The following AGBL1 variants were observed in gnomAD, a reference collection of about 807,000 sequenced individuals.
The protein encoded by AGBL1 is AGBL carboxypeptidase 1.
In AGBL1, 130 loss-of-function variants were observed where a neutral mutation model predicts 118.9. The ratio of observed to expected loss-of-function variants is 1.09; its 90% CI spans 0.95 to 1.26. The LOEUF (loss-of-function observed/expected upper bound fraction) is 1.26, where lower values mean the gene tolerates loss of function less well. Ranked by LOEUF, AGBL1 falls within the 50% of genes most tolerant of loss-of-function variation. The pLI is 0.00. For missense variants in AGBL1, 1,584 were observed against 1,298.1 expected (o/e 1.22, Z -3.38); for synonymous variants, 555 against 478.9 (o/e 1.16, Z -2.08).
At chr15:86,196,885 A>G (rs200765069) in intron 5 of AGBL1, among the ~76,000 whole-genome samples, 11,478 of 86,242 alleles carry the variant, frequency 0.13, 570 homozygotes, top group Admixed American at 0.19. Context: ...GCGCGCACAC[A>G]CACACACACA....
At chr15:86,709,886 A>T (rs1021039196) in intron 22 of AGBL1, among the ~76,000 whole-genome samples, 3 of 152,134 alleles carry the variant, frequency 2.0e-5, no homozygotes, top group African/African-American at 7.2e-5. Context: ...TAAATCTCCT[A>T]ATTGCTATTT....
chr15:86,746,966 G>T (rs1466170163), intron 22 of AGBL1, among the ~76,000 whole-genome samples: 1 of 151,948 alleles, frequency 6.6e-6, no homozygotes, highest in Non-Finnish European at 1.5e-5. Flanking sequence ...GAATTGATAA[G>T]ATCGCATGAA....
At chr15:86,962,722 C>T (rs1051402842) in intron 23 of AGBL1, among the ~76,000 whole-genome samples, 2 of 152,020 alleles carry the variant, frequency 1.3e-5, no homozygotes, top group African/African-American at 4.8e-5. Flanking sequence ...TATTTAGGAC[C>T]TTGCTATTCA....
intron 21 of AGBL1, among the ~76,000 whole-genome samples, chr15:86,575,342 A>T (rs1045149680): frequency 9.9e-5 from 15 of 151,174 alleles, no homozygotes; most frequent in African/African-American, 3.6e-4. Context: ...CTATCAAAAA[A>T]TCAAAAAATT....
chr15:86,133,088 A>G (rs1034093818), intron 1 of AGBL1, among the ~76,000 whole-genome samples: 4 of 152,222 alleles, frequency 2.6e-5, no homozygotes, highest in Non-Finnish European at 4.4e-5. Flanking sequence ...TAGTCCAATA[A>G]TGTGGGTGAG....
At chr15:86,862,327 C>T (rs1470162437) in intron 22 of AGBL1, among the ~76,000 whole-genome samples, 2 of 152,138 alleles carry the variant, frequency 1.3e-5, no homozygotes, top group African/African-American at 2.4e-5. Flanking sequence ...ATAAGTCCTA[C>T]AGATAAGGCT....
intron 22 of AGBL1, among the ~76,000 whole-genome samples, chr15:86,772,546 C>T (rs938604695): frequency 6.6e-6 from 1 of 151,962 alleles, no homozygotes; most frequent in Non-Finnish European, 1.5e-5. Context: ...GGTGGTAATT[C>T]ATAAGCACAC....
chr15:86,804,890 A>G (rs2078696232), intron 22 of AGBL1, among the ~76,000 whole-genome samples: 1 of 152,184 alleles, frequency 6.6e-6, no homozygotes. Flanking sequence ...ATCGGTGGCC[A>G]GAAACCATGG....
rs114202552 is a variant in AGBL1 at position 86,474,280 on chromosome 15, T to G, written c.2556-48530T>G. On this transcript the variant is annotated intron_variant, in intron 18 of 22. Coordinates refer to ENST00000614907, the MANE Select transcript of AGBL1 (RefSeq NM_001386094.1). ...TGTCAGCCGAAGAAGGGCAAGGCAT[T>G]GCCTCATCCAGGAGGTACAAGGGGT... 3.7e-3 allele frequency among the ~76,000 whole-genome samples: 566 copies of G among 152,268 alleles called. 6 individuals carry two copies. The highest frequency in any genetic ancestry group is 0.013 in the African/African-American group (543 of 41,552).
Position 86,446,535 on chromosome 15 carries a change from G to A in AGBL1, c.2555+48989G>A, listed in dbSNP as rs531019865. On this transcript the variant is annotated intron_variant, in intron 18 of 22. Transcript: ENST00000614907. The stretch of plus-strand genomic sequence containing the variant: ...CTTCTAACATTCCTGTCACACTTAT[G>A]CAAATGCCTGCAAAGTTTCTGATTA... 4.4e-4 allele frequency among the ~76,000 whole-genome samples: 67 copies of A among 152,288 alleles called. 3 individuals carry two copies. The South Asian group carries it at 0.011, about 24-fold the overall frequency.
chr15:86,636,740 T>C (rs1323419978), intron 21 of AGBL1, among the ~76,000 whole-genome samples: 642 of 52,648 alleles, frequency 0.012, 81 homozygotes, highest in South Asian at 0.017. Flanking sequence ...TATATATATA[T>C]ATATATATAT....
rs549373880 is a variant in AGBL1 at position 86,316,228 on chromosome 15, C to T, written c.2374+20820C>T. 5.4e-4 allele frequency among the ~76,000 whole-genome samples: 82 copies of T among 152,322 alleles called. 2 individuals carry two copies. The South Asian group carries it at 0.016, about 30-fold the overall frequency. ...GGGGAGAAGTGTCCTATCTTAATGA[C>T]TGAAACTCTGTTTCCGAGTTGAAAT... On this transcript the variant is annotated intron_variant, in intron 17 of 22. Coordinates refer to ENST00000614907, the MANE Select transcript of AGBL1 (RefSeq NM_001386094.1).
chr15:86,283,429 T>A (rs1029525163), intron 16 of AGBL1, among the ~76,000 whole-genome samples: 1 of 150,164 alleles, frequency 6.7e-6, no homozygotes. Context: ...CAGACACATA[T>A]ACCCACTGTG....
intron 19 of AGBL1, among the ~76,000 whole-genome samples, chr15:86,530,649 A>C (rs2142218245): frequency 6.6e-6 from 1 of 151,996 alleles, no homozygotes; most frequent in East Asian, 1.9e-4. Context: ...AAATCAACAG[A>C]ATATACATTC....
At chr15:86,741,653 G>C (rs1481093530) in intron 22 of AGBL1, among the ~76,000 whole-genome samples, 1 of 151,910 alleles carries the variant, frequency 6.6e-6, no homozygotes, top group East Asian at 1.9e-4. Context: ...TCTATACACT[G>C]TTCTAATTGA....
At chr15:86,143,471 A>T (rs1347234567) in intron 2 of AGBL1, among the ~76,000 whole-genome samples, 2 of 152,246 alleles carry the variant, frequency 1.3e-5, no homozygotes, top group Non-Finnish European at 2.9e-5. Flanking sequence ...CAGCTGTTGC[A>T]GCTGAACACA....
chr15:86,543,613 A>T (rs911705547), intron 19 of AGBL1, among the ~76,000 whole-genome samples: 7 of 152,076 alleles, frequency 4.6e-5, no homozygotes, highest in Non-Finnish European at 1.0e-4. Flanking sequence ...CTTTTCATGC[A>T]TGGCCAAGAA....
intron 17 of AGBL1, among the ~76,000 whole-genome samples, chr15:86,336,437 C>T (rs183140887): frequency 6.6e-6 from 1 of 152,320 alleles, no homozygotes; most frequent in East Asian, 1.9e-4. Context: ...GAGAATCAAA[C>T]AAGTTCAGAA....
chr15:86,837,541 A>G (rs1303241743), intron 22 of AGBL1, among the ~76,000 whole-genome samples: 1 of 152,238 alleles, frequency 6.6e-6, no homozygotes, highest in Non-Finnish European at 1.5e-5. Flanking sequence ...CAGAGATGGT[A>G]TAACCCCCAA....
Sources: gnomAD v4.1 joint callset for allele counts (sites outside exome capture counted in the v4.1 genomes callset) on GRCh38, gnomAD v4.1.1 for gene constraint, MANE v1.5 for transcripts, NCBI Gene and HGNC (gene_info 2026-07-23, HGNC 2026-07-21) for gene names.